UBAC2: variants seen among roughly 807,000 people sequenced by gnomAD.
The protein encoded by UBAC2 is UBA domain containing 2.
In UBAC2, 26 loss-of-function variants were observed where a neutral mutation model predicts 44.0. That is an observed-to-expected ratio of 0.59 (90% CI 0.43 to 0.82). The LOEUF is 0.82. Ranked by LOEUF, UBAC2 falls within the 40% of genes least tolerant of loss-of-function variation. The pLI is 0.00. For synonymous variants in UBAC2, 155 were observed against 154.3 expected (o/e 1.00, Z -0.04); for missense variants, 329 against 419.4 (o/e 0.78, Z 1.88).
At position 99,367,723 on chromosome 13, in the gene UBAC2, T is replaced by C. The variant is rs2045349408; in HGVS notation, c.808-64T>C. On this transcript the variant is annotated intron_variant, in intron 7 of 8. Coordinates refer to ENST00000403766, the MANE Select transcript of UBAC2 (RefSeq NM_001144072.2). ...ATGTAACTGCATTGAGAGAAAGCTC[T>C]TCCAAGCATTATGATGATTCTGCTC... 1.6e-5 allele frequency: 26 copies of C among 1,607,988 alleles called. No individual in the cohort carries two copies. In the South Asian group the frequency reaches 2.9e-4, roughly 18 times the overall value.
At chr13:99,216,132 C>T (rs1473443157) in intron 1 of UBAC2, among the ~76,000 whole-genome samples, 2 of 151,864 alleles carry the variant, frequency 1.3e-5, no homozygotes, top group African/African-American at 2.4e-5. Flanking sequence ...GACACAGTCT[C>T]ACTCTGACGC....
chr13:99,212,396 A>G lies in UBAC2; in HGVS notation c.31+11457A>G, dbSNP rs191644440. Among the ~76,000 whole-genome samples the G allele has an allele frequency of 3.8e-3, 572 of 152,258 alleles. 5 individuals carry two copies. The highest frequency in any genetic ancestry group is 0.012 in the African/African-American group (516 of 41,540). ...TGATTTTCCCCCCAGATTTTTCCCT[A>G]AGGCTTTCTAAGTTACATTGCCATT... is the stretch of plus-strand genomic sequence containing the variant. On this transcript the variant is annotated intron_variant, in intron 1 of 8. Coordinates refer to ENST00000403766, the MANE Select transcript of UBAC2 (RefSeq NM_001144072.2).
Position 99,385,591 on chromosome 13 carries a change from G to A in UBAC2, c.*256G>A, listed in dbSNP as rs763856755. 4.6e-5 allele frequency: 21 copies of A among 460,232 alleles called. No homozygotes were observed. The Middle Eastern group carries it at 1.8e-3, about 39-fold the overall frequency. 28.5% of individuals were successfully genotyped at this position (460,232 alleles called of 1,614,324 possible). On this transcript the variant is annotated 3_prime_UTR_variant, in exon 9 of 9. Coordinates refer to ENST00000403766, the MANE Select transcript of UBAC2 (RefSeq NM_001144072.2). ...TCCCTAGGTTGGAGAGTCAGCACTC[G>A]TTTTGAATGTGTTTAAAATGCATTA...
intron 5 of UBAC2, among the ~76,000 whole-genome samples, chr13:99,317,209 G>A (rs778416609): frequency 1.1e-4 from 16 of 152,170 alleles, no homozygotes; most frequent in Non-Finnish European, 2.2e-4. Flanking sequence ...CAATGCCAGC[G>A]ATGAACCTGG....
intron 4 of UBAC2, among the ~76,000 whole-genome samples, chr13:99,284,819 C>A (rs755010475): frequency 6.6e-6 from 1 of 152,142 alleles, no homozygotes; most frequent in Non-Finnish European, 1.5e-5. Flanking sequence ...GATACATATT[C>A]TAAGGCTGCT....
At chr13:99,263,525 G>C (rs999970444) in intron 4 of UBAC2, among the ~76,000 whole-genome samples, 1 of 152,218 alleles carries the variant, frequency 6.6e-6, no homozygotes, top group Non-Finnish European at 1.5e-5. Flanking sequence ...AGGATGTTGA[G>C]TGATGAGGGT....
chr13:99,232,566 A>G (rs1400249011), intron 1 of UBAC2, among the ~76,000 whole-genome samples: 1 of 152,008 alleles, frequency 6.6e-6, no homozygotes, highest in Non-Finnish European at 1.5e-5. Context: ...AACCTAGGAT[A>G]AAGCAAGCAG....
At position 99,347,319 on chromosome 13, in the gene UBAC2, GCCCCC is replaced by G. The variant is rs3031439; in HGVS notation, c.807+6765_807+6769del. Among the ~76,000 whole-genome samples the G allele has an allele frequency of 6.3e-4, 13 of 20,550 alleles. 3 individuals carry two copies. The Admixed American group carries it at 7.9e-3, about 13-fold the overall frequency. 13.5% of individuals were successfully genotyped at this position (20,550 alleles called of 152,430 possible). A position where few individuals can be genotyped will look rare whatever the true frequency, so the allele number is the denominator to read the frequency against. The stretch of plus-strand genomic sequence containing the variant: ...GATTCAGACGTTACTATCCCCGGGC[GCCCCC>G]CCCCCCCCCCAGGAAAAAAAAGGCA... On this transcript the variant is annotated intron_variant, in intron 7 of 8. Coordinates refer to ENST00000403766, the MANE Select transcript of UBAC2 (RefSeq NM_001144072.2).
At chr13:99,338,071 T>TTTTTTTTTTTTTTTTA (rs1555330450) in intron 6 of UBAC2, among the ~76,000 whole-genome samples, 4 of 105,076 alleles carry the variant, frequency 3.8e-5, no homozygotes, top group East Asian at 2.8e-4. Flanking sequence ...TTTTTTTTTT[T>TTTTTTTTTTTTTTTTA]TTTTGAGACA....
intron 4 of UBAC2, among the ~76,000 whole-genome samples, chr13:99,273,044 A>C (rs1157961309): frequency 6.7e-6 from 1 of 149,302 alleles, no homozygotes; most frequent in East Asian, 2.0e-4. Context: ...TAACCTAACT[A>C]TTCTTCTGTA....
chr13:99,283,499 A>G (rs931994076), intron 4 of UBAC2, among the ~76,000 whole-genome samples: 2 of 152,054 alleles, frequency 1.3e-5, no homozygotes, highest in African/African-American at 4.8e-5. Flanking sequence ...CTTGTTTGAC[A>G]TATGTTCCTG....
intron 4 of UBAC2, among the ~76,000 whole-genome samples, chr13:99,257,449 G>A (rs2043584380): frequency 6.6e-6 from 1 of 151,986 alleles, no homozygotes; most frequent in South Asian, 2.1e-4. Flanking sequence ...TGTGACATAA[G>A]TCCTGTACTT....
intron 1 of UBAC2, among the ~76,000 whole-genome samples, chr13:99,224,617 A>G (rs574440410): frequency 1.3e-5 from 2 of 152,364 alleles, no homozygotes; most frequent in Admixed American, 1.3e-4. Context: ...GCCACAAAGT[A>G]GAAAGAGGGG....
intron 4 of UBAC2, among the ~76,000 whole-genome samples, chr13:99,291,590 C>G (rs2044089808): frequency 1.3e-5 from 2 of 152,228 alleles, no homozygotes; most frequent in African/African-American, 2.4e-5. Context: ...GAGCCACTGT[C>G]TGCCCTTGCC....
chr13:99,252,174 A>G (rs1426674405), intron 4 of UBAC2, among the ~76,000 whole-genome samples: 3 of 152,244 alleles, frequency 2.0e-5, no homozygotes, highest in Admixed American at 1.3e-4. Context: ...TCTCATGCCT[A>G]CTTGGCTTGC....
intron 4 of UBAC2, among the ~76,000 whole-genome samples, chr13:99,282,371 T>C (rs1293073226): frequency 6.6e-6 from 1 of 152,242 alleles, no homozygotes; most frequent in Non-Finnish European, 1.5e-5. Context: ...AGAATATTTC[T>C]AGTAGTTGAC....
chr13:99,212,366 A>T (rs1342153340), intron 1 of UBAC2, among the ~76,000 whole-genome samples: 2 of 152,248 alleles, frequency 1.3e-5, no homozygotes, highest in Non-Finnish European at 2.9e-5. Flanking sequence ...TCCTTATTTA[A>T]ATCATGATTT....
Position 99,273,591 on chromosome 13 carries a change from C to T in UBAC2, c.389+28967C>T, listed in dbSNP as rs547692279. On this transcript the variant is annotated intron_variant, in intron 4 of 8. Transcript: ENST00000403766. ...GGTACCTACCTCTTAAGGTAGGTAC[C>T]TTGCAGTGTGGCTGTTGATGAATTT... Among the ~76,000 whole-genome samples the T allele has an allele frequency of 5.3e-5, 8 of 152,130 alleles. No homozygotes were observed. In the East Asian group the frequency reaches 1.5e-3, roughly 29 times the overall value.
chr13:99,255,778 A>T lies in UBAC2; in HGVS notation c.389+11154A>T, dbSNP rs533640164. 7.4e-6 allele frequency: 12 copies of T among 1,613,814 alleles called. No homozygotes were observed. In the East Asian group the frequency reaches 2.5e-4, roughly 33 times the overall value. The stretch of plus-strand genomic sequence containing the variant: ...GTTAACAAATAATCCAATTATGAAG[A>T]TACAGCTATAGAAGACAAGGGCTGC... On this transcript the variant is annotated intron_variant, in intron 4 of 8. Coordinates refer to ENST00000403766, the MANE Select transcript of UBAC2 (RefSeq NM_001144072.2).
Sources: gnomAD v4.1 joint callset for allele counts (sites outside exome capture counted in the v4.1 genomes callset) on GRCh38, gnomAD v4.1.1 for gene constraint, MANE v1.5 for transcripts, NCBI Gene and HGNC (gene_info 2026-07-23, HGNC 2026-07-21) for gene names.